The following CELF4 variants were observed in gnomAD, a reference collection of about 807,000 sequenced individuals.
CELF4 encodes the protein CUGBP Elav-like family member 4.
CELF4 carries 18 observed loss-of-function variants against 59.9 expected under a neutral mutation model. The ratio of observed to expected loss-of-function variants is 0.30; its 90% confidence interval spans 0.21 to 0.45. CELF4 has a LOEUF of 0.45. CELF4 is among the 20% of genes least tolerant of loss of function. The pLI is 1.00. For synonymous variants in CELF4, 261 were observed against 267.1 expected, an observed-to-expected ratio of 0.98 and a Z score of 0.22; for missense variants, 456 against 689.0, an observed-to-expected ratio of 0.66 and a Z score of 3.79.
chr18:37,455,033 G>A (rs572544725), intron 2 of CELF4, among the ~76,000 whole-genome samples: 9 of 152,192 alleles, frequency 5.9e-5, no homozygotes, highest in South Asian at 4.1e-4. Flanking sequence ...CCCAGTCTGT[G>A]CATTGCTAAG....
intron 1 of CELF4, among the ~76,000 whole-genome samples, chr18:37,515,968 G>T (rs944069015): frequency 6.6e-6 from 1 of 152,156 alleles, no homozygotes; most frequent in Non-Finnish European, 1.5e-5. Context: ...ACTGGGCTGG[G>T]TGCATGGAGG....
chr18:37,474,150 C>G (rs1473062998), intron 2 of CELF4, among the ~76,000 whole-genome samples: 1 of 152,170 alleles, frequency 6.6e-6, no homozygotes, highest in Non-Finnish European at 1.5e-5. Flanking sequence ...TGCAAAAAAC[C>G]CAAAGTGTTA....
chr18:37,419,737 A>G (rs2099560654), intron 2 of CELF4, among the ~76,000 whole-genome samples: 1 of 152,272 alleles, frequency 6.6e-6, no homozygotes, highest in East Asian at 1.9e-4. Flanking sequence ...GACCCAGGGG[A>G]TGATGAGGGT....
At chr18:37,467,104 G>T (rs1200182853) in intron 2 of CELF4, among the ~76,000 whole-genome samples, 2 of 152,164 alleles carry the variant, frequency 1.3e-5, no homozygotes, top group Admixed American at 6.5e-5. Flanking sequence ...ACCCCCACCT[G>T]ATCCCATCCC....
chr18:37,385,584 C>T (rs1569568363), intron 2 of CELF4, among the ~76,000 whole-genome samples: 1 of 152,158 alleles, frequency 6.6e-6, no homozygotes, highest in South Asian at 2.1e-4. Context: ...CTCCACCTCC[C>T]CCAGCCCACA....
chr18:37,311,765 G>A (rs1248568644), intron 3 of CELF4, among the ~76,000 whole-genome samples: 11 of 144,592 alleles, frequency 7.6e-5, no homozygotes, highest in Admixed American at 6.5e-4. Context: ...CTCCAGCCTG[G>A]GCGACAGAAC....
At chr18:37,532,338 A>G (rs1401723892) in intron 1 of CELF4, among the ~76,000 whole-genome samples, 2 of 152,100 alleles carry the variant, frequency 1.3e-5, no homozygotes, top group Non-Finnish European at 2.9e-5. Flanking sequence ...ACGGCTTTGT[A>G]CTTTATTTCT....
At chr18:37,283,582 A>G (rs1356102185) in intron 3 of CELF4, among the ~76,000 whole-genome samples, 2 of 152,146 alleles carry the variant, frequency 1.3e-5, no homozygotes, top group Non-Finnish European at 2.9e-5. Flanking sequence ...CATTTGCTCA[A>G]TGAGCATTGG....
intron 1 of CELF4, among the ~76,000 whole-genome samples, chr18:37,514,355 G>C (rs1374874728): frequency 6.6e-6 from 1 of 152,148 alleles, no homozygotes; most frequent in East Asian, 1.9e-4. Context: ...TTCTGGCCCA[G>C]GGCTTTCATG....
At chr18:37,510,736 T>TTTA (rs11375581) in intron 1 of CELF4, among the ~76,000 whole-genome samples, 1 of 151,856 alleles carries the variant, frequency 6.6e-6, no homozygotes, top group East Asian at 1.9e-4. Context: ...CCTTGGCTCC[T>TTTA]GGGCTTCCTT....
chr18:37,332,953 T>C (rs2097598230), intron 2 of CELF4, among the ~76,000 whole-genome samples: 1 of 152,184 alleles, frequency 6.6e-6, no homozygotes, highest in African/African-American at 2.4e-5. Flanking sequence ...GGTGGGAGGA[T>C]CCTTGTGGTC....
chr18:37,531,678 A>G (rs1220197937), intron 1 of CELF4, among the ~76,000 whole-genome samples: 2 of 152,096 alleles, frequency 1.3e-5, no homozygotes, highest in Non-Finnish European at 2.9e-5. Context: ...TGGAGGTGAG[A>G]AGTTTGGGAA....
chr18:37,267,427 A>G (rs1337409102), intron 8 of CELF4, among the ~76,000 whole-genome samples: 5 of 152,204 alleles, frequency 3.3e-5, no homozygotes, highest in African/African-American at 1.2e-4. Context: ...AGCCTGAAGC[A>G]TGGGCCAGCA....
intron 10 of CELF4, among the ~76,000 whole-genome samples, chr18:37,263,293 C>G (rs1190990564): frequency 4.6e-5 from 7 of 152,160 alleles, no homozygotes; most frequent in Admixed American, 4.6e-4. Flanking sequence ...TGTGGCACCT[C>G]TTTGGGGTCT....
intron 12 of CELF4, among the ~76,000 whole-genome samples, chr18:37,251,329 C>T (rs1568853686): frequency 6.6e-6 from 1 of 152,158 alleles, no homozygotes; most frequent in African/African-American, 2.4e-5. Flanking sequence ...CCACTCCTCC[C>T]AAGCCCCCAC....
At chr18:37,248,951 C>CAGCG (rs1556959889) in intron 12 of CELF4, among the ~76,000 whole-genome samples, 31 of 149,048 alleles carry the variant, frequency 2.1e-4, no homozygotes, top group African/African-American at 7.3e-4. Context: ...TGCTTTCCTG[C>CAGCG]AGGGAGGGAG....
intron 6 of CELF4, chr18:37,273,700 T>A: frequency 1.0e-6 from 1 of 987,148 alleles, no homozygotes; most frequent in Non-Finnish European, 1.2e-6. Flanking sequence ...AGAAGTGAGG[T>A]AAGCTTGCAT....
At chr18:37,487,331 CAG>C (rs1433637213) in intron 1 of CELF4, among the ~76,000 whole-genome samples, 1 of 152,162 alleles carries the variant, frequency 6.6e-6, no homozygotes, top group Admixed American at 6.5e-5. Flanking sequence ...AAGAAGGAAA[CAG>C]GGAGAAAAGC....
chr18:37,300,250 A>T (rs1414633849), intron 3 of CELF4, among the ~76,000 whole-genome samples: 3 of 145,742 alleles, frequency 2.1e-5, no homozygotes, highest in African/African-American at 7.7e-5. Flanking sequence ...TTTGATACGG[A>T]GTCTTGCTCT....
Sources: gnomAD v4.1 joint callset for allele counts (sites outside exome capture counted in the v4.1 genomes callset) on GRCh38, gnomAD v4.1.1 for gene constraint, MANE v1.5 for transcripts, NCBI Gene and HGNC (gene_info 2026-07-23, HGNC 2026-07-21) for gene names.